The following HMCN1 variants were observed in gnomAD, a reference collection of about 807,000 sequenced individuals.
HMCN1 encodes hemicentin 1, also known as hemicentin-1.
A neutral mutation model predicts 625.9 loss-of-function variants in HMCN1; 321 were observed. The ratio of observed to expected loss-of-function variants is 0.51; its 90% confidence interval spans 0.47 to 0.56. HMCN1 has a LOEUF of 0.56. HMCN1 is among the 20% of genes least tolerant of loss of function. HMCN1 has a pLI of 0.00. For synonymous variants in HMCN1, 2,425 were observed against 2,417.6 expected, an observed-to-expected ratio of 1.00 and a Z score of -0.09; for missense variants, 6,588 against 6,887.3, an observed-to-expected ratio of 0.96 and a Z score of 1.54.
intron 1 of HMCN1, among the ~76,000 whole-genome samples, chr1:185,782,024 G>A (rs1044406012): frequency 2.0e-5 from 3 of 152,118 alleles, no homozygotes; most frequent in Non-Finnish European, 4.4e-5. Context: ...ATGAATCTGG[G>A]TGCTCATGTA....
intron 1 of HMCN1, among the ~76,000 whole-genome samples, chr1:185,781,278 G>A (rs1420317316): frequency 6.6e-6 from 1 of 151,838 alleles, no homozygotes; most frequent in East Asian, 1.9e-4. Context: ...TATCAGTTTT[G>A]TTGATCCTTT....
At chr1:186,051,901 G>T (rs766143457) in intron 42 of HMCN1, among the ~76,000 whole-genome samples, 2 of 151,898 alleles carry the variant, frequency 1.3e-5, no homozygotes, top group African/African-American at 4.8e-5. Context: ...AGTTGTCAGA[G>T]GCCTAAACTT....
chr1:186,006,331 T>C (rs1653630594), intron 29 of HMCN1, among the ~76,000 whole-genome samples: 1 of 152,138 alleles, frequency 6.6e-6, no homozygotes, highest in East Asian at 1.9e-4. Context: ...ATTCATTATG[T>C]GGCTAAGTCA....
At chr1:185,869,380 C>T (rs1175869212) in intron 4 of HMCN1, among the ~76,000 whole-genome samples, 1 of 152,128 alleles carries the variant, frequency 6.6e-6, no homozygotes, top group Non-Finnish European at 1.5e-5. Flanking sequence ...AAATGTTCCA[C>T]ACAAGGTCTG....
At position 186,171,403 on chromosome 1, in the gene HMCN1, A is replaced by C. The variant is rs1453886205; in HGVS notation, c.15641A>C (p.His5214Pro). The change falls in exon 101 of 107, where the codon CAT (histidine) becomes CCT (proline). Residue 5214 changes from histidine (H) to proline (P), a missense_variant. His to Pro is a moderately conservative substitution (Grantham distance 77). Coordinates refer to ENST00000271588, the MANE Select transcript of HMCN1 (RefSeq NM_031935.3). Reference sequence around the variant, plus strand: ...TGTTTCAATGCCATAGGAAGTTTCCATTGTGGATGTGAACCTGGGTATCAG... The same window carrying C: ...TGTTTCAATGCCATAGGAAGTTTCCCTTGTGGATGTGAACCTGGGTATCAG... Reference protein sequence around the residue: ...QRCFNAIGSFHCGCEPGYQLK... With the variant: ...QRCFNAIGSFPCGCEPGYQLK... 42 of 1,613,424 alleles carry C rather than the reference A, an allele frequency of 2.6e-5. No individual in the cohort carries two copies. Among genetic ancestry groups the C allele is most frequent in the Non-Finnish European group, 3.4e-5 (40 of 1,179,538 alleles).
At chr1:185,911,822 A>G (rs1292359176) in intron 6 of HMCN1, 42 bp downstream of exon 6, 2 of 1,440,946 alleles carry the variant, frequency 1.4e-6, no homozygotes, top group Admixed American at 1.7e-5. Flanking sequence ...TTTATTTTGA[A>G]GTTGGCATTT....
At chr1:186,065,459 A>G in intron 49 of HMCN1, 30 bp downstream of exon 49, 1 of 1,500,932 alleles carries the variant, frequency 6.7e-7, no homozygotes, top group Non-Finnish European at 8.9e-7. Context: ...CATATCTTAA[A>G]GAATCTGACA....
chr1:185,794,192 T>C (rs1171329342), intron 1 of HMCN1, among the ~76,000 whole-genome samples: 3 of 152,092 alleles, frequency 2.0e-5, no homozygotes, highest in Admixed American at 1.3e-4. Context: ...TTTTAAAAAA[T>C]CTTGTTGAAA....
intron 97 of HMCN1, among the ~76,000 whole-genome samples, chr1:186,158,917 A>T (rs990543780): frequency 6.6e-6 from 1 of 151,742 alleles, no homozygotes; most frequent in Non-Finnish European, 1.5e-5. Flanking sequence ...TTGGCAATGC[A>T]GGCTCTTTTT....
At position 186,076,599 on chromosome 1, in the gene HMCN1, G is replaced by T. The variant is rs756392616; in HGVS notation, c.8462G>T (p.Ser2821Ile). The T allele has an allele frequency of 9.3e-6, 15 of 1,613,478 alleles. No homozygotes were observed. In the Admixed American group the frequency reaches 2.5e-4, roughly 27 times the overall value. The change falls in exon 54 of 107, where the codon AGT becomes ATT. Residue 2821 changes from serine (S) to isoleucine (I), a missense_variant. Around this residue, in one of 3 missense-constraint regions of HMCN1, gnomAD observed 4,628 missense variants for 4,853.1 expected, o/e 0.95. Coordinates refer to ENST00000271588, the MANE Select transcript of HMCN1 (RefSeq NM_031935.3). ...WYKDGHPLTS[S>I]DKVLILPGGR... Reference sequence around the variant, plus strand: ...AAAGATGGCCACCCTCTGACCTCAAGTGATAAAGTATTGATTTTGCCAGGT... The same window carrying T: ...AAAGATGGCCACCCTCTGACCTCAATTGATAAAGTATTGATTTTGCCAGGT...
intron 97 of HMCN1, among the ~76,000 whole-genome samples, chr1:186,155,769 A>G (rs1650969516): frequency 6.6e-6 from 1 of 152,206 alleles, no homozygotes; most frequent in Non-Finnish European, 1.5e-5. Context: ...GTTCTTGTCA[A>G]TTTTAAGAAT....
intron 95 of HMCN1, among the ~76,000 whole-genome samples, chr1:186,152,399 T>C (rs1268476209): frequency 6.6e-6 from 1 of 152,210 alleles, no homozygotes; most frequent in Non-Finnish European, 1.5e-5. Context: ...TTTGTTACTT[T>C]TTGAAGCATC....
intron 39 of HMCN1, among the ~76,000 whole-genome samples, 166 bp from the exon 40 acceptor site, chr1:186,040,847 A>G (rs1156467096): frequency 2.0e-5 from 3 of 152,158 alleles, no homozygotes; most frequent in Non-Finnish European, 4.4e-5. Context: ...CACTGAGAAG[A>G]TGAAAAGGGT....
At chr1:185,984,910 C>A (rs1651905113) in intron 19 of HMCN1, among the ~76,000 whole-genome samples, 1 of 151,952 alleles carries the variant, frequency 6.6e-6, no homozygotes, top group African/African-American at 2.4e-5. Flanking sequence ...TTTTAATATA[C>A]TTTTTAAAGA....
chr1:186,090,135 A>G (rs138489899), intron 63 of HMCN1, among the ~76,000 whole-genome samples: 1 of 152,058 alleles, frequency 6.6e-6, no homozygotes, highest in Admixed American at 6.6e-5. Flanking sequence ...GAATTCAAAC[A>G]TGTTTATATC....
intron 42 of HMCN1, among the ~76,000 whole-genome samples, chr1:186,049,688 A>G (rs1318915747): frequency 6.6e-6 from 1 of 152,040 alleles, no homozygotes; most frequent in Admixed American, 6.6e-5. Flanking sequence ...AATTATTGAG[A>G]TTATAAGCTG....
At chr1:185,970,695 G>A (rs929694563) in intron 15 of HMCN1, among the ~76,000 whole-genome samples, 3 of 151,046 alleles carry the variant, frequency 2.0e-5, no homozygotes, top group Non-Finnish European at 4.4e-5. Context: ...GTCTCACTCT[G>A]TCACCCAGGC....
chr1:185,763,016 G>A (rs929003232), intron 1 of HMCN1, among the ~76,000 whole-genome samples: 1 of 152,166 alleles, frequency 6.6e-6, no homozygotes, highest in South Asian at 2.1e-4. Context: ...CAGGGTTAGG[G>A]GCGTGAGAAG....
At chr1:185,974,041 A>C (rs1376886112) in intron 15 of HMCN1, among the ~76,000 whole-genome samples, 1 of 152,198 alleles carries the variant, frequency 6.6e-6, no homozygotes, top group Admixed American at 6.6e-5. Context: ...AAGATGGTCA[A>C]TCTGTTTGTG....
Sources: gnomAD v4.1 joint callset for allele counts (sites outside exome capture counted in the v4.1 genomes callset) on GRCh38, gnomAD v4.1.1 for gene constraint, gnomAD v4.1.1 regional missense constraint, MANE v1.5 for transcripts, NCBI Gene and HGNC (gene_info 2026-07-23, HGNC 2026-07-21) for gene names.